DDX11: variants seen among roughly 807,000 people sequenced by gnomAD.
DDX11 encodes the protein ATP-dependent DNA helicase DDX11.
A neutral mutation model predicts 125.2 loss-of-function variants in DDX11; 72 were observed. That is an observed-to-expected ratio of 0.58 (90% CI 0.48 to 0.70). DDX11 has a LOEUF of 0.70. DDX11 is among the 30% of genes least tolerant of loss of function. DDX11 has a pLI of 0.00. For missense variants in DDX11, 883 were observed against 1,165.0 expected, an observed-to-expected ratio of 0.76 and a Z score of 3.52; for synonymous variants, 347 against 452.6, an observed-to-expected ratio of 0.77 and a Z score of 2.96.
At chr12:31,075,854 T>C (rs1041136781) in intron 1 of DDX11, among the ~76,000 whole-genome samples, 4 of 152,308 alleles carry the variant, frequency 2.6e-5, no homozygotes, top group Admixed American at 2.6e-4. Flanking sequence ...CTAAGAGCTA[T>C]GAATAAATTA....
In DDX11 at chr12:31,093,416, G is replaced by C. The variant is rs1233464701; in HGVS notation, c.1369+92G>C. On this transcript the variant is annotated intron_variant, in intron 12 of 26. Coordinates refer to ENST00000542838, the MANE Select transcript of DDX11 (RefSeq NM_030653.4). ...GCCCATCAGGACACCTCAGTTCTCTGTGTTTTTAAGAAGGGTCGGCCGGGT... is the reference window on the plus strand; with the variant it reads ...GCCCATCAGGACACCTCAGTTCTCTCTGTTTTTAAGAAGGGTCGGCCGGGT... The C allele has an allele frequency of 3.2e-6, 5 of 1,559,664 alleles. No homozygotes were observed. In the African/African-American group the frequency reaches 5.4e-5, roughly 17 times the overall value.
chr12:31,089,415 A>T lies in DDX11; in HGVS notation c.805A>T (p.Asn269Tyr). 2 of 1,613,936 alleles carry T rather than the reference A, an allele frequency of 1.2e-6. No individual in the cohort carries two copies. Among genetic ancestry groups the T allele is most frequent in the Non-Finnish European group, 1.7e-6 (2 of 1,179,850 alleles). Residue 269 changes from asparagine (N) to tyrosine (Y), a missense_variant, in exon 8 of 27, where the codon AAT becomes TAT. Coordinates refer to ENST00000542838, the MANE Select transcript of DDX11 (RefSeq NM_030653.4). ...SLGSRQNLCV[N>Y]EDVKSLGSVQ... ...TCCTTTGCTGCAGAACCTTTGTGTA[A>T]ATGAAGACGTGAAAAGCCTAGGTTC...
rs544725118 is a variant in DDX11, at chr12:31,093,472, T to C, written c.1369+148T>C. On this transcript the variant is annotated intron_variant, in intron 12 of 26. Coordinates refer to ENST00000542838, the MANE Select transcript of DDX11 (RefSeq NM_030653.4). ...GGCTCACGCCTGTAATCCCAGCACT[T>C]GGGAGGCCGAGGCAGGTGGTTCACC... 7.7e-5 allele frequency: 81 copies of C among 1,055,588 alleles called. No individual in the cohort carries two copies. In the South Asian group the frequency reaches 1.1e-3, roughly 14 times the overall value. 65.4% of individuals were successfully genotyped at this position (1,055,588 alleles called of 1,614,324 possible).
rs372834009 is a variant in DDX11 at position 31,089,037 on chromosome 12, C to T, written c.685-7C>T. The T allele has an allele frequency of 1.9e-6, 3 of 1,613,190 alleles. No individual in the cohort carries two copies. The highest frequency in any genetic ancestry group is 8.5e-7 in the Non-Finnish European group (1 of 1,179,294). On this transcript the variant is annotated splice_region_variant and splice_polypyrimidine_tract_variant and intron_variant, in intron 6 of 26. Transcript: ENST00000542838. ...CTCTTTGAAGCGCCTTTCTTTCTCT[C>T]TGCTAGATTTATTACTGTAGTCGGA...
rs1289808964 is a variant in DDX11 at position 31,096,978 on chromosome 12, C to G, written c.1750C>G (p.Leu584Val). 1.2e-6 allele frequency: 2 copies of G among 1,613,636 alleles called. No homozygotes were observed. Among genetic ancestry groups the G allele is most frequent in the East Asian group, 4.5e-5 (2 of 44,856 alleles). ...TTANQDGRVI[L>V]SRQGSLSQST... The stretch of plus-strand genomic sequence containing the variant: ...GGCCAACCAGGACGGCAGGGTCATC[C>G]TGAGCCGCCAAGGTAATCAGGTGGT... The change falls in exon 17 of 27, where the codon CTG becomes GTG. Residue 584 changes from leucine to valine, a missense_variant. Leu to Val is a conservative substitution (Grantham distance 32, BLOSUM62 1). This residue lies in a region of DDX11 where 241 missense variants were observed against 279.7 expected (regional missense o/e 0.86). Transcript: ENST00000542838.
intron 1 of DDX11, among the ~76,000 whole-genome samples, chr12:31,075,573 A>C (rs931302265): frequency 6.6e-6 from 1 of 152,048 alleles, no homozygotes; most frequent in African/African-American, 2.4e-5. Flanking sequence ...TTATCTGAAA[A>C]CGGTTTGAAA....
At chr12:31,094,321 T>C (rs1354353560) in intron 12 of DDX11, 4 of 452,920 alleles carry the variant, frequency 8.8e-6, no homozygotes, top group Middle Eastern at 6.6e-4. Flanking sequence ...GGCTGCTGTG[T>C]CCCGGCCTCC....
At position 31,077,820 on chromosome 12, in the gene DDX11, G is replaced by T. The variant is rs1940981343; in HGVS notation, c.-4-570G>T. 3 of 197,404 alleles carry T rather than the reference G, an allele frequency of 1.5e-5. 1 individual carries two copies. The highest frequency in any genetic ancestry group is 1.7e-4 in the South Asian group (2 of 11,660). The allele number at this position is 197,404 out of a possible 1,614,324, so 12.2% of individuals were successfully genotyped here. ...GATTGCGCCACTGCACTCCAGCCTG[G>T]GCGACAGAGTGAGACTCTGTCTCGA... On this transcript the variant is annotated intron_variant, in intron 1 of 26. Transcript: ENST00000542838.
At chr12:31,102,591 T>C in intron 23 of DDX11, 64 bp downstream of exon 23, 3 of 1,488,198 alleles carry the variant, frequency 2.0e-6, no homozygotes, top group African/African-American at 2.8e-5. Flanking sequence ...TCCCAGCAGC[T>C]GGGCCCCTGC....
In DDX11 at chr12:31,096,341, G is replaced by A. The variant is rs1945223631; in HGVS notation, c.1483G>A (p.Val495Met). 3 of 1,611,818 alleles carry A rather than the reference G, an allele frequency of 1.9e-6. No homozygotes were observed. The highest frequency in any genetic ancestry group is 1.3e-5 in the African/African-American group (1 of 74,620). Residue 495 changes from valine (V) to methionine (M), a missense_variant and splice_region_variant, in exon 15 of 27, where the codon GTG becomes ATG. Physicochemically the swap from Val to Met is conservative, Grantham distance 21 (BLOSUM62 1). This residue lies in a region of DDX11 where 241 missense variants were observed against 279.7 expected (regional missense o/e 0.86). Transcript: ENST00000542838. ...SQIDNINLFK[V>M]QRYCEKSMIS... ...CTACAGCTGGGCTTGGTTTTTGCAG[G>A]TGCAGCGATACTGTGAGAAGAGCAT...
At position 31,091,827 on chromosome 12, in the gene DDX11, G is replaced by A. The variant is rs756846997; in HGVS notation, c.1198G>A (p.Asp400Asn). ...CATCGACGAGGCGCACAACCTGATC[G>A]ACACCATCACGGGCATGCACAGCGT... ...VIIDEAHNLIDTITGMHSVEV... is the reference protein window; with the variant it reads ...VIIDEAHNLINTITGMHSVEV... Residue 400 changes from aspartate (D) to asparagine (N), a missense_variant, in exon 10 of 27, where the codon GAC (aspartate) becomes AAC (asparagine). By Grantham distance (23) the Asp-to-Asn change is conservative. Transcript: ENST00000542838. 12 of 1,613,742 alleles carry A rather than the reference G, an allele frequency of 7.4e-6. No individual in the cohort carries two copies. In the East Asian group the frequency reaches 8.9e-5, roughly 12 times the overall value.
Position 31,104,043 on chromosome 12 carries a change from C to T in DDX11, c.*207C>T. 1 of 1,548,776 alleles carries T rather than the reference C, an allele frequency of 6.5e-7. No homozygotes were observed. Among genetic ancestry groups the T allele is most frequent in the Non-Finnish European group, 8.7e-7 (1 of 1,145,638 alleles). On this transcript the variant is annotated 3_prime_UTR_variant, in exon 27 of 27. Transcript: ENST00000542838. ...GGGGAATCCTGAATGAACAGTGGGTCCTGGCTGTCCTTGGGGCGTTCCAGG... is the reference window on the plus strand; with the variant it reads ...GGGGAATCCTGAATGAACAGTGGGTTCTGGCTGTCCTTGGGGCGTTCCAGG...
chr12:31,096,082 A>G (rs955525481), intron 14 of DDX11, among the ~76,000 whole-genome samples: 2 of 151,638 alleles, frequency 1.3e-5, no homozygotes, highest in African/African-American at 4.8e-5. Context: ...TTTACTGAGC[A>G]CTCTTAGACT....
intron 19 of DDX11, 138 bp downstream of exon 19, chr12:31,100,845 G>T (rs552188641): frequency 9.1e-7 from 1 of 1,104,904 alleles, no homozygotes; most frequent in African/African-American, 1.6e-5. Context: ...TCGTGCGCTC[G>T]CCCAGGCTCT....
At chr12:31,087,216 G>T (rs1943318337) in intron 5 of DDX11, among the ~76,000 whole-genome samples, 1 of 146,568 alleles carries the variant, frequency 6.8e-6, no homozygotes. Flanking sequence ...AGTTGTAGCT[G>T]GTCATAAGTG....
rs1423473939 is a variant in DDX11, at chr12:31,098,969, T to C, written c.1875+972T>C. Among the ~76,000 whole-genome samples the C allele has an allele frequency of 7.2e-5, 11 of 152,046 alleles. No individual in the cohort carries two copies. The South Asian group carries it at 1.2e-3, about 17-fold the overall frequency. ...TGGTTTCTTGTAATGGGGAATGACA[T>C]TTAGAAGTCAAGCTGTGGGTGCTAG... On this transcript the variant is annotated intron_variant, in intron 18 of 26. Transcript: ENST00000542838.
rs780583925 is a variant in DDX11, at chr12:31,091,838, G to A, written c.1209G>A (p.Thr403=). 69 of 1,613,792 alleles carry A rather than the reference G, an allele frequency of 4.3e-5. No homozygotes were observed. Among genetic ancestry groups the A allele is most frequent in the African/African-American group, 9.3e-5 (7 of 74,944 alleles). ...DEAHNLIDTI[T]GMHSVEVSGS... Reference sequence around the variant, plus strand: ...CGCACAACCTGATCGACACCATCACGGGCATGCACAGCGTGGAGGTCAGCG... The same window carrying A: ...CGCACAACCTGATCGACACCATCACAGGCATGCACAGCGTGGAGGTCAGCG... Residue 403 remains threonine (T), a synonymous_variant, in exon 10 of 27, where the codon ACG becomes ACA. Coordinates refer to ENST00000542838, the MANE Select transcript of DDX11 (RefSeq NM_030653.4).
In DDX11 at chr12:31,100,689, G is replaced by A. The variant is rs565477885; in HGVS notation, c.1930G>A (p.Val644Met). 55 of 1,552,386 alleles carry A rather than the reference G, an allele frequency of 3.5e-5. No individual in the cohort carries two copies. The East Asian group carries it at 3.7e-4, about 10-fold the overall frequency. Reference sequence around the variant, plus strand: ...CTGTGCCGGGGTGGAAGCTGAGCGCGTGGTGGAGTTTTCCTGTGGTGAGAA... The same window carrying A: ...CTGTGCCGGGGTGGAAGCTGAGCGCATGGTGGAGTTTTCCTGTGGTGAGAA... Reference protein sequence around the residue: ...LACAGVEAERVVEFSCGHVIP... With the variant: ...LACAGVEAERMVEFSCGHVIP... The change falls in exon 19 of 27, where the codon GTG (valine) becomes ATG (methionine). Residue 644 changes from valine to methionine, a missense_variant. Physicochemically the swap from Val to Met is conservative, Grantham distance 21. Coordinates refer to ENST00000542838, the MANE Select transcript of DDX11 (RefSeq NM_030653.4).
intron 25 of DDX11, 46 bp from the exon 26 acceptor site, chr12:31,103,531 G>A (rs754590867): frequency 8.7e-6 from 14 of 1,613,556 alleles, no homozygotes; most frequent in Admixed American, 8.3e-5. Context: ...GTGCTGTAGG[G>A]GGGAGGCAGG....
Sources: gnomAD v4.1 joint callset for allele counts (sites outside exome capture counted in the v4.1 genomes callset) on GRCh38, gnomAD v4.1.1 for gene constraint, gnomAD v4.1.1 regional missense constraint, MANE v1.5 for transcripts, NCBI Gene and HGNC (gene_info 2026-07-23, HGNC 2026-07-21) for gene names.